The following COL24A1 variants were observed in gnomAD, a reference collection of about 807,000 sequenced individuals.
COL24A1 encodes collagen alpha-1(XXIV) chain.
COL24A1 carries 224 observed loss-of-function variants against 253.9 expected under a neutral mutation model. That is an observed-to-expected ratio of 0.88 (90% CI 0.79 to 0.99). The LOEUF (loss-of-function observed/expected upper bound fraction) is 0.99. COL24A1 is among the 50% of genes least tolerant of loss of function. COL24A1 has a pLI of 0.00. For missense variants in COL24A1, 2,131 were observed against 2,068.5 expected, an observed-to-expected ratio of 1.03 and a Z score of -0.59; for synonymous variants, 685 against 673.7, an observed-to-expected ratio of 1.02 and a Z score of -0.26.
At position 85,827,313 on chromosome 1, in the gene COL24A1, C is replaced by A. The variant is rs1410573052; in HGVS notation, c.3682-3575G>T. ...GGTGGATAAGCTTTTTGATGTGCTG[C>A]TGGATTCAGTTTGCCAGTATTTTAT... On this transcript the variant is annotated intron_variant, in intron 43 of 59. Transcript: ENST00000370571. 2.6e-5 allele frequency among the ~76,000 whole-genome samples: 4 copies of A among 151,572 alleles called. No individual in the cohort carries two copies. In the South Asian group the frequency reaches 8.4e-4, roughly 32 times the overall value.
intron 48 of COL24A1, 151 bp from the exon 49 acceptor site, chr1:85,784,517 C>T (rs1362878249): frequency 3.4e-6 from 2 of 588,200 alleles, no homozygotes; most frequent in Non-Finnish European, 3.0e-6. Flanking sequence ...ATCTTGTTCA[C>T]CAATATTTTC....
chr1:85,765,042 T>A (rs1667221181), intron 53 of COL24A1, among the ~76,000 whole-genome samples: 3 of 152,232 alleles, frequency 2.0e-5, no homozygotes, highest in Admixed American at 2.0e-4. Flanking sequence ...TTTAAATGAA[T>A]GATTTATACT....
At chr1:85,871,886 T>C (rs886707426) in intron 35 of COL24A1, among the ~76,000 whole-genome samples, 3 of 152,118 alleles carry the variant, frequency 2.0e-5, no homozygotes, top group Admixed American at 6.6e-5. Flanking sequence ...GGTATTCAAT[T>C]AGGAAAAGAG....
At chr1:85,746,652 C>T (rs1339762252) in intron 55 of COL24A1, among the ~76,000 whole-genome samples, 1 of 151,994 alleles carries the variant, frequency 6.6e-6, no homozygotes, top group Non-Finnish European at 1.5e-5. Flanking sequence ...GAAGGCTTCC[C>T]TGAGGTAGTA....
At chr1:85,856,796 C>T (rs1292216456) in intron 37 of COL24A1, among the ~76,000 whole-genome samples, 1 of 152,146 alleles carries the variant, frequency 6.6e-6, no homozygotes, top group African/African-American at 2.4e-5. Flanking sequence ...TGTCTGTACG[C>T]CCAAAGGCTG....
intron 55 of COL24A1, among the ~76,000 whole-genome samples, chr1:85,758,748 C>T (rs1666535585): frequency 6.6e-6 from 1 of 152,128 alleles, no homozygotes; most frequent in Non-Finnish European, 1.5e-5. Flanking sequence ...CACAAACATA[C>T]ATATATTCAA....
intron 47 of COL24A1, among the ~76,000 whole-genome samples, chr1:85,800,471 C>T (rs1477568549): frequency 6.6e-6 from 1 of 152,130 alleles, no homozygotes; most frequent in African/African-American, 2.4e-5. Flanking sequence ...AGAGTTCTTA[C>T]TTGCAAATAC....
intron 24 of COL24A1, among the ~76,000 whole-genome samples, chr1:85,922,016 C>T (rs1012722811): frequency 6.6e-5 from 10 of 151,816 alleles, no homozygotes; most frequent in East Asian, 3.9e-4. Flanking sequence ...AACTACGTGA[C>T]GCATGCACAA....
rs985354089 is a variant in COL24A1 at position 85,804,045 on chromosome 1, A to T, written c.3951+12743T>A. 2.8e-4 allele frequency among the ~76,000 whole-genome samples: 42 copies of T among 152,212 alleles called. 1 individual carries two copies. Among genetic ancestry groups the T allele is most frequent in the Non-Finnish European group, 3.4e-4 (23 of 68,026 alleles). ...AAAGCATTGAAATAATAATAGAAAA[A>T]ATTCAGGAGATTCTGCAAAGAATAT... On this transcript the variant is annotated intron_variant, in intron 47 of 59. Coordinates refer to ENST00000370571, the MANE Select transcript of COL24A1 (RefSeq NM_152890.7).
At chr1:85,741,034 G>A (rs1347626282) in intron 57 of COL24A1, among the ~76,000 whole-genome samples, 2 of 147,988 alleles carry the variant, frequency 1.4e-5, no homozygotes, top group African/African-American at 4.9e-5. Context: ...CTGGAGAATC[G>A]CTTGAACCTG....
intron 37 of COL24A1, among the ~76,000 whole-genome samples, chr1:85,863,478 G>T (rs1242681684): frequency 6.6e-6 from 1 of 152,080 alleles, no homozygotes; most frequent in African/African-American, 2.4e-5. Flanking sequence ...TACCATTCAG[G>T]ACATAGGCAT....
At chr1:86,062,381 T>C (rs1701152061) in intron 8 of COL24A1, among the ~76,000 whole-genome samples, 1 of 150,604 alleles carries the variant, frequency 6.6e-6, no homozygotes, top group Non-Finnish European at 1.5e-5. Flanking sequence ...TTCTCATAGT[T>C]AACACAAATT....
At chr1:85,736,450 G>A (rs1433183747) in intron 58 of COL24A1, 1 of 456,048 alleles carries the variant, frequency 2.2e-6, no homozygotes, top group African/African-American at 2.0e-5. Flanking sequence ...ATGATGATGT[G>A]GATATTTTGG....
intron 7 of COL24A1, among the ~76,000 whole-genome samples, chr1:86,079,664 G>T (rs1292687876): frequency 6.6e-6 from 1 of 152,064 alleles, no homozygotes; most frequent in African/African-American, 2.4e-5. Context: ...AATGAGACAA[G>T]GAAATGGTAA....
intron 24 of COL24A1, among the ~76,000 whole-genome samples, chr1:85,918,787 A>G (rs760501557): frequency 7.2e-5 from 11 of 152,232 alleles, no homozygotes; most frequent in African/African-American, 1.2e-4. Flanking sequence ...GTAATTTACC[A>G]CTGATCATGA....
At chr1:86,106,541 T>C (rs1185925875) in intron 5 of COL24A1, among the ~76,000 whole-genome samples, 1 of 152,188 alleles carries the variant, frequency 6.6e-6, no homozygotes, top group African/African-American at 2.4e-5. Context: ...GGTAGGCTGA[T>C]GATACAGACT....
intron 53 of COL24A1, among the ~76,000 whole-genome samples, chr1:85,771,778 T>TTTAATTTA (rs1558060760): frequency 6.8e-6 from 1 of 146,578 alleles, no homozygotes; most frequent in African/African-American, 2.5e-5. Context: ...TGCCTGACTT[T>TTTAATTTA]TTTATTTATT....
intron 59 of COL24A1, among the ~76,000 whole-genome samples, chr1:85,732,819 T>C (rs534968137): frequency 8.3e-4 from 127 of 152,326 alleles, no homozygotes; most frequent in African/African-American, 2.9e-3. Flanking sequence ...ATGTAATGCA[T>C]GGTCACTTAA....
At chr1:86,000,991 C>A (rs751108042) in intron 19 of COL24A1, among the ~76,000 whole-genome samples, 1 of 152,118 alleles carries the variant, frequency 6.6e-6, no homozygotes, top group Non-Finnish European at 1.5e-5. Flanking sequence ...GAAATGATTC[C>A]TGTAGAGCAT....
Sources: allele counts gnomAD v4.1 joint callset (sites outside exome capture counted in the v4.1 genomes callset), GRCh38; gene constraint gnomAD v4.1.1; transcripts MANE v1.5; gene names NCBI Gene and HGNC (gene_info 2026-07-23, HGNC 2026-07-21).